The following FAM229B variants were observed in gnomAD, a reference collection of about 807,000 sequenced individuals.
FAM229B encodes the protein family with sequence similarity 229 member B, also known as protein FAM229B.
FAM229B carries 2 observed loss-of-function variants against 6.7 expected under a neutral mutation model. That is an observed-to-expected ratio of 0.30 (90% CI 0.12 to 0.94). The LOEUF (loss-of-function observed/expected upper bound fraction) is 0.94, where lower values mean the gene tolerates loss of function less well. Ranked by LOEUF, FAM229B falls within the 40% of genes least tolerant of loss-of-function variation. The pLI, the probability that FAM229B is intolerant of heterozygous loss-of-function variation, is 0.54. For synonymous variants in FAM229B, 29 were observed against 34.0 expected (o/e 0.85, Z 0.51); for missense variants, 93 against 96.2 (o/e 0.97, Z 0.14).
chr6:112,091,317 C>CT (rs1346717751), intron 1 of FAM229B, among the ~76,000 whole-genome samples: 1 of 152,120 alleles, frequency 6.6e-6, no homozygotes, highest in Non-Finnish European at 1.5e-5. Flanking sequence ...TGAGCCTAAA[C>CT]TGAGTGCTGA....
chr6:112,094,751 A>G (rs1290512047), intron 1 of FAM229B, among the ~76,000 whole-genome samples: 2 of 152,164 alleles, frequency 1.3e-5, no homozygotes, highest in Admixed American at 1.3e-4. Flanking sequence ...TTAGAACATG[A>G]CAAGTTCAAA....
At position 112,099,053 on chromosome 6, in the gene FAM229B, G is replaced by A. The variant is rs139588317; in HGVS notation, c.-14-217G>A. On this transcript the variant is annotated intron_variant, in intron 2 of 3. Transcript: ENST00000368656. Reference sequence around the variant, plus strand: ...GTGCACCTGTAGTTCCAGTTACTCAGGAGGCTGAGGCAGGAGGATCACTTA... The same window carrying A: ...GTGCACCTGTAGTTCCAGTTACTCAAGAGGCTGAGGCAGGAGGATCACTTA... Among the ~76,000 whole-genome samples, 1,031 of 152,260 alleles carry A rather than the reference G, an allele frequency of 6.8e-3. 8 individuals carry two copies. Among genetic ancestry groups the A allele is most frequent in the African/African-American group, 0.024 (990 of 41,542 alleles).
intron 1 of FAM229B, among the ~76,000 whole-genome samples, chr6:112,091,672 C>T (rs1554318194): frequency 6.6e-6 from 1 of 152,088 alleles, no homozygotes. Context: ...AATGTAAAAT[C>T]ACAATGCCTG....
chr6:112,099,281 A>G lies in FAM229B; in HGVS notation c.-3A>G, dbSNP rs782345108. 31 of 1,612,150 alleles carry G rather than the reference A, an allele frequency of 1.9e-5. No homozygotes were observed. Among genetic ancestry groups the G allele is most frequent in the Non-Finnish European group, 2.5e-5 (29 of 1,179,332 alleles). On this transcript the variant is annotated 5_prime_UTR_variant, in exon 3 of 4. Transcript: ENST00000368656. ...ACTTTCCGATCTAGGTTTTCAGTGA[A>G]GTATGCCTTTTCAATTTGGAACCCA...
rs1407521637 is a variant in FAM229B at position 112,102,496 on chromosome 6, AAAAC to A, written c.*1713_*1716del. The A allele has an allele frequency of 6.6e-6, 1 of 152,264 alleles. No individual in the cohort carries two copies. Among genetic ancestry groups the A allele is most frequent in the African/African-American group, 2.4e-5 (1 of 41,430 alleles). The allele number at this position is 152,264 out of a possible 1,614,324, so 9.4% of individuals were successfully genotyped here. ...TGAGACTTTGTCTCAAAAAAAAAGAAAAACAAAGAAAAATTCCTCAGAGCTCATA... is the reference window on the plus strand; with the variant it reads ...TGAGACTTTGTCTCAAAAAAAAAGAAAAAGAAAAATTCCTCAGAGCTCATA... On this transcript the variant is annotated 3_prime_UTR_variant, in exon 4 of 4. Transcript: ENST00000368656.
chr6:112,087,651 A>G lies in FAM229B; in HGVS notation c.-245A>G, dbSNP rs782267114. ...GTTACCGTAGCGACTGGGCTTCTGG[A>G]CTGTATATCCTAGCTGCCTTGTCAA... On this transcript the variant is annotated 5_prime_UTR_variant, in exon 1 of 4. Transcript: ENST00000368656. 1.0e-5 allele frequency: 6 copies of G among 587,918 alleles called. No homozygotes were observed. The highest frequency in any genetic ancestry group is 1.8e-5 in the Non-Finnish European group (6 of 331,582). The allele number at this position is 587,918 out of a possible 1,614,324, so 36.4% of individuals were successfully genotyped here.
intron 1 of FAM229B, among the ~76,000 whole-genome samples, chr6:112,090,570 A>G: frequency 1.1e-5 from 1 of 90,492 alleles, no homozygotes; most frequent in African/African-American, 3.5e-5. Flanking sequence ...TGTGGTAACA[A>G]TCAACCCCAA....
At chr6:112,096,646 G>GA (rs1182329507) in intron 1 of FAM229B, among the ~76,000 whole-genome samples, 27 of 150,380 alleles carry the variant, frequency 1.8e-4, no homozygotes, top group African/African-American at 9.8e-5. Context: ...GAGGAAACAG[G>GA]AAAAAAAAAT....
At position 112,101,541 on chromosome 6, in the gene FAM229B, G is replaced by T. The variant is rs1777399271; in HGVS notation, c.*754G>T. 6.6e-6 allele frequency: 1 copy of T among 152,124 alleles called. No homozygotes were observed. Among genetic ancestry groups the T allele is most frequent in the African/African-American group, 2.4e-5 (1 of 41,418 alleles). 9.4% of individuals were successfully genotyped at this position (152,124 alleles called of 1,614,324 possible). ...TCATGTGGATTTTTTAATTTGGTTA[G>T]ATGTGGGATCACTTTTGAGGATGAG... On this transcript the variant is annotated 3_prime_UTR_variant, in exon 4 of 4. Coordinates refer to ENST00000368656, the MANE Select transcript of FAM229B (RefSeq NM_001033564.3).
chr6:112,095,562 G>A (rs1777309975), intron 1 of FAM229B, among the ~76,000 whole-genome samples: 1 of 141,740 alleles, frequency 7.1e-6, no homozygotes, highest in South Asian at 2.2e-4. Flanking sequence ...ATTCCAGGAG[G>A]TCGAGGCTGC....
intron 2 of FAM229B, among the ~76,000 whole-genome samples, chr6:112,098,480 T>C (rs1337411425): frequency 6.6e-6 from 1 of 152,230 alleles, no homozygotes; most frequent in African/African-American, 2.4e-5. Context: ...TGTTAGGCAC[T>C]GCACTTTACG....
chr6:112,091,307 T>G (rs1777253853), intron 1 of FAM229B, among the ~76,000 whole-genome samples: 1 of 152,174 alleles, frequency 6.6e-6, no homozygotes, highest in South Asian at 2.1e-4. Flanking sequence ...GAGTTCCTCA[T>G]GAGCCTAAAC....
At chr6:112,088,556 C>T (rs1402612991) in intron 1 of FAM229B, among the ~76,000 whole-genome samples, 1 of 151,928 alleles carries the variant, frequency 6.6e-6, no homozygotes, top group Non-Finnish European at 1.5e-5. Flanking sequence ...ACTTTATTGT[C>T]CCACCAAGAC....
intron 1 of FAM229B, among the ~76,000 whole-genome samples, chr6:112,092,498 T>C (rs1777270856): frequency 6.6e-6 from 1 of 151,880 alleles, no homozygotes; most frequent in South Asian, 2.1e-4. Context: ...AAAAAAGAGA[T>C]ATAAAAGCTA....
rs1300196414 is a variant in FAM229B at position 112,101,694 on chromosome 6, A to T, written c.*907A>T. On this transcript the variant is annotated 3_prime_UTR_variant, in exon 4 of 4. Coordinates refer to ENST00000368656, the MANE Select transcript of FAM229B (RefSeq NM_001033564.3). ...TCTTCTCCAAAAGACTGACTTTAGG[A>T]TCAGATACAATTTTCACCAGTGTTT... is the stretch of plus-strand genomic sequence containing the variant. 6.6e-6 allele frequency: 1 copy of T among 152,162 alleles called. No homozygotes were observed. Among genetic ancestry groups the T allele is most frequent in the African/African-American group, 2.4e-5 (1 of 41,424 alleles). The allele number at this position is 152,162 out of a possible 1,614,324, so 9.4% of individuals were successfully genotyped here.
intron 1 of FAM229B, among the ~76,000 whole-genome samples, chr6:112,096,339 G>A (rs6940476): frequency 0.05 from 7,544 of 152,158 alleles, 619 homozygotes; most frequent in African/African-American, 0.17. Context: ...GGCGGATCAC[G>A]AGGTCAGGAG....
Position 112,102,280 on chromosome 6 carries a change from T to A in FAM229B, c.*1493T>A, listed in dbSNP as rs1477524073. On this transcript the variant is annotated 3_prime_UTR_variant, in exon 4 of 4. Coordinates refer to ENST00000368656, the MANE Select transcript of FAM229B (RefSeq NM_001033564.3). ...GGATGGATTATCTGAGGTCAGGCAT[T>A]CGAAGCCAGCCTGGCCAACATGGTG... is the stretch of plus-strand genomic sequence containing the variant. 6.6e-6 allele frequency: 1 copy of A among 152,046 alleles called. No homozygotes were observed. Among genetic ancestry groups the A allele is most frequent in the African/African-American group, 2.4e-5 (1 of 41,394 alleles). 9.4% of individuals were successfully genotyped at this position (152,046 alleles called of 1,614,324 possible).
Position 112,088,825 on chromosome 6 carries a change from G to GT in FAM229B, c.-176+1106dup, listed in dbSNP as rs1777216142. ...TGTAGGCAGTGATGTGAATAGGTCT[G>GT]TATCAGTGTGTTATCAGTGCTAGGT... On this transcript the variant is annotated intron_variant, in intron 1 of 3. Transcript: ENST00000368656. Among the ~76,000 whole-genome samples, 4 of 152,186 alleles carry GT rather than the reference G, an allele frequency of 2.6e-5. No homozygotes were observed. In the South Asian group the frequency reaches 8.3e-4, roughly 31 times the overall value.
intron 1 of FAM229B, 94 bp from the exon 2 acceptor site, chr6:112,096,947 C>T (rs1777334440): frequency 6.6e-6 from 1 of 152,148 alleles, no homozygotes; most frequent in African/African-American, 2.4e-5. Flanking sequence ...CCAGTAAAAA[C>T]AAGAATGAAA....
Sources: allele counts gnomAD v4.1 joint callset (sites outside exome capture counted in the v4.1 genomes callset), GRCh38; gene constraint gnomAD v4.1.1; transcripts MANE v1.5; gene names NCBI Gene and HGNC (gene_info 2026-07-23, HGNC 2026-07-21).